The following AKT3 variants were observed in gnomAD, a reference collection of about 807,000 sequenced individuals.
AKT3 encodes AKT serine/threonine kinase 3, also known as RAC-gamma serine/threonine-protein kinase.
AKT3 carries 15 observed loss-of-function variants against 65.3 expected under a neutral mutation model. That is an observed-to-expected ratio of 0.23 (90% CI 0.15 to 0.35). The LOEUF is 0.35. Among genes scored for constraint, AKT3 ranks in the 10% least tolerant of loss-of-function variants. The pLI, the probability that AKT3 is intolerant of heterozygous loss-of-function variation, is 1.00. For synonymous variants in AKT3, 206 were observed against 183.8 expected (o/e 1.12, Z -0.98); for missense variants, 243 against 576.5 (o/e 0.42, Z 5.92).
At chr1:243,801,351 T>G (rs1692369781) in intron 2 of AKT3, among the ~76,000 whole-genome samples, 1 of 152,338 alleles carries the variant, frequency 6.6e-6, no homozygotes, top group Non-Finnish European at 1.5e-5. Flanking sequence ...GTTCACTACT[T>G]AAAAACCATT....
chr1:243,655,122 T>C (rs1328753512), intron 4 of AKT3, among the ~76,000 whole-genome samples: 1 of 152,154 alleles, frequency 6.6e-6, no homozygotes, highest in Non-Finnish European at 1.5e-5. Context: ...ATTTTTATTT[T>C]CTATCCTCTT....
chr1:243,515,934 G>A (rs1373537736), intron 12 of AKT3, among the ~76,000 whole-genome samples: 4 of 151,100 alleles, frequency 2.6e-5, no homozygotes, highest in African/African-American at 9.8e-5. Flanking sequence ...CTGAGATCGC[G>A]TCACTGCACT....
At chr1:243,741,539 G>A (rs1166396170) in intron 2 of AKT3, among the ~76,000 whole-genome samples, 1 of 152,164 alleles carries the variant, frequency 6.6e-6, no homozygotes, top group Non-Finnish European at 1.5e-5. Flanking sequence ...ATAAGACATA[G>A]TCCAACAATA....
At chr1:243,581,905 T>G (rs923284643) in intron 8 of AKT3, among the ~76,000 whole-genome samples, 6 of 151,906 alleles carry the variant, frequency 3.9e-5, no homozygotes, top group African/African-American at 1.2e-4. Context: ...TCAATCAGAC[T>G]TTCTGGAATT....
At chr1:243,716,331 C>T (rs1487849838) in intron 2 of AKT3, among the ~76,000 whole-genome samples, 2 of 152,110 alleles carry the variant, frequency 1.3e-5, no homozygotes, top group Non-Finnish European at 2.9e-5. Flanking sequence ...ATATCTGCCA[C>T]AAAAGTAACA....
chr1:243,499,570 T>C, downstream of AKT3: 1 of 638,684 alleles, frequency 1.6e-6, no homozygotes, highest in South Asian at 1.9e-5. Context: ...TTATTTCATA[T>C]GTGAAGGGCT....
intron 13 of AKT3, among the ~76,000 whole-genome samples, chr1:243,492,502 C>T (rs1385794764): frequency 1.3e-5 from 2 of 151,224 alleles, no homozygotes; most frequent in Non-Finnish European, 2.9e-5. Context: ...CGGGGTTTCG[C>T]CATGTTGGCC....
chr1:243,658,230 A>G (rs1208253668), intron 4 of AKT3, among the ~76,000 whole-genome samples: 1 of 152,208 alleles, frequency 6.6e-6, no homozygotes, highest in Non-Finnish European at 1.5e-5. Flanking sequence ...CAAAATGTAT[A>G]GGGAACTCCT....
chr1:243,767,745 T>C (rs1404113095), intron 2 of AKT3, among the ~76,000 whole-genome samples: 1 of 152,086 alleles, frequency 6.6e-6, no homozygotes, highest in East Asian at 1.9e-4. Context: ...TGGTCATGAG[T>C]TGAAAATTTT....
At chr1:243,506,380 T>C (rs961729408) in intron 13 of AKT3, among the ~76,000 whole-genome samples, 3 of 152,362 alleles carry the variant, frequency 2.0e-5, no homozygotes, top group Non-Finnish European at 2.9e-5. Flanking sequence ...CAAACCCATA[T>C]AGGAAGTACA....
At chr1:243,696,174 G>T (rs1200924718) in intron 2 of AKT3, among the ~76,000 whole-genome samples, 1 of 151,108 alleles carries the variant, frequency 6.6e-6, no homozygotes, top group Non-Finnish European at 1.5e-5. Flanking sequence ...AAAGAAAAAA[G>T]TCTATTTTCA....
At chr1:243,649,898 G>T (rs1339412645) in intron 4 of AKT3, among the ~76,000 whole-genome samples, 1 of 152,160 alleles carries the variant, frequency 6.6e-6, no homozygotes, top group Non-Finnish European at 1.5e-5. Context: ...CTTTATGGTA[G>T]AATGATTTAT....
At chr1:243,609,616 C>T (rs1572023966) in intron 8 of AKT3, among the ~76,000 whole-genome samples, 1 of 152,284 alleles carries the variant, frequency 6.6e-6, no homozygotes, top group Admixed American at 6.5e-5. Flanking sequence ...CGAGATTGTA[C>T]CACTGTACTC....
At chr1:243,753,965 TTC>T (rs1271787288) in intron 2 of AKT3, among the ~76,000 whole-genome samples, 9 of 152,210 alleles carry the variant, frequency 5.9e-5, no homozygotes, top group Non-Finnish European at 1.3e-4. Flanking sequence ...TCTTGAATTA[TTC>T]TCTGTGTGTT....
At chr1:243,742,020 T>C (rs1688181868) in intron 2 of AKT3, among the ~76,000 whole-genome samples, 1 of 149,598 alleles carries the variant, frequency 6.7e-6, no homozygotes, top group African/African-American at 2.5e-5. Context: ...AACCCATGAG[T>C]TTCTCATCCA....
intron 6 of AKT3, among the ~76,000 whole-genome samples, chr1:243,636,353 T>C (rs137985922): frequency 6.6e-6 from 1 of 152,194 alleles, no homozygotes; most frequent in African/African-American, 2.4e-5. Context: ...AGGCAGGTAC[T>C]ACTATTAGCC....
intron 2 of AKT3, among the ~76,000 whole-genome samples, chr1:243,797,577 C>T (rs971145262): frequency 7.9e-5 from 12 of 152,140 alleles, no homozygotes; most frequent in African/African-American, 2.9e-4. Flanking sequence ...ACCTCCCAAT[C>T]CCAACAGCTA....
rs529869615 is a variant in AKT3, at chr1:243,499,986, G to A, written c.*5263C>T. The A allele has an allele frequency of 1.3e-5, 8 of 613,932 alleles. No individual in the cohort carries two copies. Among genetic ancestry groups the A allele is most frequent in the Admixed American group, 2.7e-5 (1 of 36,914 alleles). The allele number at this position is 613,932 out of a possible 1,614,324, so 38.0% of individuals were successfully genotyped here. ...TGGAGTCTGACTCTAGCTGAGCAGA[G>A]CTCCTGGTGTATGTTTTCAGAAATG... On this transcript the variant is annotated 3_prime_UTR_variant, in exon 14 of 14. Transcript: ENST00000673466.
At chr1:243,535,368 T>G (rs921241564) in intron 12 of AKT3, among the ~76,000 whole-genome samples, 1 of 151,848 alleles carries the variant, frequency 6.6e-6, no homozygotes, top group Non-Finnish European at 1.5e-5. Flanking sequence ...CTCACCTCCC[T>G]CTTCCATCCT....
Sources: allele counts gnomAD v4.1 joint callset (sites outside exome capture counted in the v4.1 genomes callset), GRCh38; gene constraint gnomAD v4.1.1; transcripts MANE v1.5; gene names NCBI Gene and HGNC (gene_info 2026-07-23, HGNC 2026-07-21).